Variants in RASGRF1 observed in about 807,000 individuals in gnomAD.
The protein encoded by RASGRF1 is Ras protein specific guanine nucleotide releasing factor 1.
Under a neutral mutation model 138.7 loss-of-function variants are expected in RASGRF1, and 40 were observed. The ratio of observed to expected loss-of-function variants is 0.29; its 90% CI spans 0.22 to 0.38. RASGRF1 has a LOEUF of 0.38. Ranked by LOEUF, RASGRF1 falls within the 10% of genes least tolerant of loss-of-function variation. The pLI, the probability that RASGRF1 is intolerant of heterozygous loss-of-function variation, is 1.00. For synonymous variants in RASGRF1, 614 were observed against 663.2 expected (o/e 0.93, Z 1.14); for missense variants, 1,108 against 1,650.4 (o/e 0.67, Z 5.69).
Position 79,064,772 on chromosome 15 carries a change from C to T in RASGRF1, c.277-246G>A, listed in dbSNP as rs1382702869. 1.4e-5 allele frequency: 7 copies of T among 484,120 alleles called. No homozygotes were observed. The East Asian group carries it at 2.2e-4, about 15-fold the overall frequency. The allele number at this position is 484,120 out of a possible 1,614,324, so 30.0% of individuals were successfully genotyped here. A position where few individuals can be genotyped will look rare whatever the true frequency, so the allele number is the denominator to read the frequency against. On this transcript the variant is annotated intron_variant, in intron 1 of 26. Coordinates refer to ENST00000558480, the MANE Select transcript of RASGRF1 (RefSeq NM_001145648.3). ...AAGAAGGAAACAAAACACACAAAGC[C>T]CTGTTCAACAACAAATTGCAAAAAA...
At chr15:78,962,980 G>T (rs61117503) in intron 26 of RASGRF1, among the ~76,000 whole-genome samples, 1 of 152,102 alleles carries the variant, frequency 6.6e-6, no homozygotes, top group Non-Finnish European at 1.5e-5. Flanking sequence ...CTCCAAGAGA[G>T]GCAAGTGGAA....
rs1389374208 is a variant in RASGRF1 at position 79,090,599 on chromosome 15, G to T, written c.-101C>A. ...CGCTGCCTCTCTCTGGCGCTCGCTC[G>T]CTCGCTCCCTCTAGCTCTCCCCTCC... is the stretch of plus-strand genomic sequence containing the variant. On this transcript the variant is annotated 5_prime_UTR_variant, in exon 1 of 27. Coordinates refer to ENST00000558480, the MANE Select transcript of RASGRF1 (RefSeq NM_001145648.3). 5 of 1,509,730 alleles carry T rather than the reference G, an allele frequency of 3.3e-6. No homozygotes were observed. Among genetic ancestry groups the T allele is most frequent in the East Asian group, 2.3e-5 (1 of 44,110 alleles). 93.5% of individuals were successfully genotyped at this position (1,509,730 alleles called of 1,614,324 possible). A position where few individuals can be genotyped will look rare whatever the true frequency, so the allele number is the denominator to read the frequency against.
chr15:79,002,873 C>T (rs776414573), intron 15 of RASGRF1, among the ~76,000 whole-genome samples: 8 of 152,194 alleles, frequency 5.3e-5, no homozygotes, highest in Non-Finnish European at 1.2e-4. Flanking sequence ...GAAATCCTTC[C>T]CTCTTCAAAG....
rs548291664 is a variant in RASGRF1 at position 79,042,658 on chromosome 15, C to T, written c.878+4088G>A. 3.9e-4 allele frequency among the ~76,000 whole-genome samples: 60 copies of T among 152,322 alleles called. 1 individual carries two copies. The highest frequency in any genetic ancestry group is 6.8e-4 in the Non-Finnish European group (46 of 68,024). On this transcript the variant is annotated intron_variant, in intron 5 of 26. Transcript: ENST00000558480. ...ATGAAACAGATCTAGGTTACAATCC[C>T]AGCCTGCCCCCACTCTCTGTGTGCT...
chr15:79,006,679 T>C lies in RASGRF1; in HGVS notation c.1827-245A>G, dbSNP rs758166086. On this transcript the variant is annotated intron_variant, in intron 13 of 26. Transcript: ENST00000558480. The surrounding 1 kb of genome is among the most constrained non-coding windows in gnomAD (Gnocchi z 4.0). ...AGTATTACAAATTTAAAAACATTTG[T>C]TGTTGAGTTCACAAGACGTAAGGAA... Among the ~76,000 whole-genome samples the C allele has an allele frequency of 6.6e-6, 1 of 152,234 alleles. No individual in the cohort carries two copies. The highest frequency in any genetic ancestry group is 1.5e-5 in the Non-Finnish European group (1 of 68,040).
chr15:79,073,636 C>T lies in RASGRF1; in HGVS notation c.277-9110G>A, dbSNP rs1301540167. Among the ~76,000 whole-genome samples the T allele has an allele frequency of 6.6e-6, 1 of 152,162 alleles. No homozygotes were observed. Among genetic ancestry groups the T allele is most frequent in the Non-Finnish European group, 1.5e-5 (1 of 68,030 alleles). ...GAAGCTAGAGGTGGCGTGTCAGGCT[C>T]TGGCTACAGGTGGTTGAGGATGGCA... is the stretch of plus-strand genomic sequence containing the variant. On this transcript the variant is annotated intron_variant, in intron 1 of 26. Coordinates refer to ENST00000558480, the MANE Select transcript of RASGRF1 (RefSeq NM_001145648.3). This position sits in a 1 kb window ranked among gnomAD's most constrained non-coding sequence, Gnocchi z 4.2.
intron 4 of RASGRF1, 110 bp downstream of exon 4, chr15:79,049,386 G>A (rs948955647): frequency 1.0e-6 from 1 of 975,710 alleles, no homozygotes; most frequent in African/African-American, 1.6e-5. Flanking sequence ...GTTGGGGGAT[G>A]GGGGGCACGC....
intron 23 of RASGRF1, chr15:78,981,216 A>G (rs1296050915): frequency 1.3e-5 from 2 of 152,268 alleles, no homozygotes; most frequent in African/African-American, 4.8e-5. Flanking sequence ...TGGCTGGAGA[A>G]GAGGAAGCTC....
At chr15:79,074,245 T>C (rs2057801613) in intron 1 of RASGRF1, among the ~76,000 whole-genome samples, 1 of 152,234 alleles carries the variant, frequency 6.6e-6, no homozygotes, top group African/African-American at 2.4e-5. Context: ...ATTCCGTACA[T>C]GCTCATGCTT....
At chr15:79,039,143 TAA>T (rs35540115) in intron 5 of RASGRF1, among the ~76,000 whole-genome samples, 1 of 150,524 alleles carries the variant, frequency 6.6e-6, no homozygotes, top group Non-Finnish European at 1.5e-5. Flanking sequence ...CTACAAAAAA[TAA>T]AAAAAATTAG....
chr15:79,035,237 C>A, intron 5 of RASGRF1, 27 bp from the exon 6 acceptor site: 2 of 1,587,518 alleles, frequency 1.3e-6, no homozygotes, highest in South Asian at 2.3e-5. Flanking sequence ...AGGGTCAGCT[C>A]TGCCCCAGGG....
At chr15:79,034,522 T>C (rs1204474407) in intron 6 of RASGRF1, among the ~76,000 whole-genome samples, 2 of 152,284 alleles carry the variant, frequency 1.3e-5, no homozygotes, top group East Asian at 3.9e-4. Flanking sequence ...GAAGAGATGA[T>C]TACTTCTAAC....
At chr15:79,056,489 G>A (rs531402051) in intron 3 of RASGRF1, among the ~76,000 whole-genome samples, 26 of 152,256 alleles carry the variant, frequency 1.7e-4, no homozygotes, top group South Asian at 6.2e-4. Context: ...GAGTAGAGTG[G>A]AAAGACTGGC....
At chr15:79,029,210 CCT>C (rs1199585538) in intron 8 of RASGRF1, among the ~76,000 whole-genome samples, 2 of 152,192 alleles carry the variant, frequency 1.3e-5, no homozygotes, top group Admixed American at 1.3e-4. Context: ...TCAGTTTCCC[CCT>C]TTCTTCCCCA....
chr15:79,012,550 G>C, intron 13 of RASGRF1: 1 of 1,614,106 alleles, frequency 6.2e-7, no homozygotes, highest in South Asian at 1.1e-5. Context: ...CCAGGCTTTA[G>C]ATTGGTAAGC....
chr15:79,065,269 G>A (rs2057662775), intron 1 of RASGRF1, among the ~76,000 whole-genome samples: 1 of 152,204 alleles, frequency 6.6e-6, no homozygotes, highest in South Asian at 2.1e-4. Context: ...CTTATCCCAG[G>A]GAGATCAGGA....
chr15:79,004,912 G>T, intron 14 of RASGRF1: 1 of 981,948 alleles, frequency 1.0e-6, no homozygotes, highest in Non-Finnish European at 1.2e-6. Context: ...GAATGTCACA[G>T]GTAGGAAACT....
intron 1 of RASGRF1, among the ~76,000 whole-genome samples, chr15:79,078,118 G>A (rs918947077): frequency 9.9e-6 from 1 of 100,776 alleles, no homozygotes; most frequent in African/African-American, 2.8e-5. Context: ...GAGTGGCTGT[G>A]CTACAGAGAA....
At chr15:78,999,981 G>A in intron 16 of RASGRF1, 68 bp from the exon 17 acceptor site, 1 of 1,534,590 alleles carries the variant, frequency 6.5e-7, no homozygotes, top group Non-Finnish European at 9.0e-7. Context: ...TAGAAAACCA[G>A]GGGTCCCGAG....
Sources: gnomAD v4.1 joint callset for allele counts (sites outside exome capture counted in the v4.1 genomes callset) on GRCh38, gnomAD v4.1.1 for gene constraint, Gnocchi (gnomAD v3.1) non-coding constraint, MANE v1.5 for transcripts, NCBI Gene and HGNC (gene_info 2026-07-23, HGNC 2026-07-21) for gene names.